The following CCSER1 variants were observed in gnomAD, a reference collection of about 807,000 sequenced individuals.
CCSER1 encodes the protein coiled-coil serine rich protein 1.
A neutral mutation model predicts 82.0 loss-of-function variants in CCSER1; 41 were observed. The ratio of observed to expected loss-of-function variants is 0.50; its 90% confidence interval spans 0.39 to 0.65. The LOEUF (loss-of-function observed/expected upper bound fraction) is 0.65. CCSER1 is among the 30% of genes least tolerant of loss of function. The pLI is 0.00. For missense variants in CCSER1, 1,119 were observed against 1,064.2 expected (o/e 1.05, Z -0.72); for synonymous variants, 414 against 383.9 (o/e 1.08, Z -0.92).
intron 10 of CCSER1, among the ~76,000 whole-genome samples, chr4:91,229,653 C>T (rs911926169): frequency 1.4e-4 from 22 of 152,082 alleles, no homozygotes; most frequent in African/African-American, 5.3e-4. Flanking sequence ...TACTATGCAC[C>T]TGTAAAAAAG....
At chr4:91,344,835 C>G (rs1415246457) in intron 10 of CCSER1, among the ~76,000 whole-genome samples, 3 of 151,928 alleles carry the variant, frequency 2.0e-5, no homozygotes, top group Non-Finnish European at 4.4e-5. Flanking sequence ...GATAATATTA[C>G]AGTACTCAAA....
chr4:90,946,428 C>T (rs1490320519), intron 9 of CCSER1, among the ~76,000 whole-genome samples: 4 of 151,992 alleles, frequency 2.6e-5, no homozygotes, highest in East Asian at 1.9e-4. Flanking sequence ...ATTAGGAGTT[C>T]GAGACCGGCC....
chr4:90,610,421 G>T (rs1304570181), intron 5 of CCSER1, among the ~76,000 whole-genome samples: 3 of 152,016 alleles, frequency 2.0e-5, no homozygotes, highest in Admixed American at 6.6e-5. Context: ...CATGTGAGAA[G>T]AATATTTGTG....
At chr4:90,816,653 A>G (rs891126747) in intron 8 of CCSER1, among the ~76,000 whole-genome samples, 2 of 152,138 alleles carry the variant, frequency 1.3e-5, no homozygotes, top group African/African-American at 4.8e-5. Flanking sequence ...TTAAAGAAAT[A>G]ACCATGCAAT....
At chr4:91,331,915 G>A (rs1746983091) in intron 10 of CCSER1, among the ~76,000 whole-genome samples, 1 of 152,030 alleles carries the variant, frequency 6.6e-6, no homozygotes, top group Admixed American at 6.6e-5. Flanking sequence ...TGCAATATAT[G>A]AATACTTCTA....
chr4:90,454,917 G>A (rs1474960325), intron 4 of CCSER1, among the ~76,000 whole-genome samples: 1 of 152,156 alleles, frequency 6.6e-6, no homozygotes, highest in Admixed American at 6.5e-5. Context: ...CCAGCCTGTT[G>A]TAGGGGCAAA....
intron 9 of CCSER1, among the ~76,000 whole-genome samples, chr4:91,081,701 C>T (rs1435926109): frequency 6.6e-6 from 1 of 152,180 alleles, no homozygotes; most frequent in African/African-American, 2.4e-5. Flanking sequence ...AGCTGATAAG[C>T]AACTTCAGCA....
intron 9 of CCSER1, among the ~76,000 whole-genome samples, chr4:91,030,421 C>A (rs1215813975): frequency 6.6e-6 from 1 of 152,036 alleles, no homozygotes; most frequent in Non-Finnish European, 1.5e-5. Flanking sequence ...GAGTCTTATT[C>A]TGTTTTAATT....
intron 10 of CCSER1, among the ~76,000 whole-genome samples, chr4:91,256,553 T>C (rs186000913): frequency 2.6e-5 from 4 of 152,278 alleles, no homozygotes; most frequent in African/African-American, 9.6e-5. Context: ...ATGTGATGTC[T>C]CCCAAGGCTT....
chr4:91,288,701 G>A (rs1310437047), intron 10 of CCSER1, among the ~76,000 whole-genome samples: 1 of 151,964 alleles, frequency 6.6e-6, no homozygotes, highest in Non-Finnish European at 1.5e-5. Flanking sequence ...TAAAATGCAG[G>A]GGAAAGAGCA....
In CCSER1 at chr4:90,205,347, A is replaced by T. The variant is rs953237745; in HGVS notation, c.-42+77516A>T. Among the ~76,000 whole-genome samples, 20 of 152,114 alleles carry T rather than the reference A, an allele frequency of 1.3e-4. No homozygotes were observed. The East Asian group carries it at 1.5e-3, about 12-fold the overall frequency. On this transcript the variant is annotated intron_variant, in intron 1 of 10. Coordinates refer to ENST00000509176, the MANE Select transcript of CCSER1 (RefSeq NM_001145065.2). ...TGTGGGTTTGTCATAAAGAGCTCTT[A>T]TTATTTTGAGATAGGTTCCCTCAAT... is the stretch of plus-strand genomic sequence containing the variant.
chr4:90,573,425 G>A (rs113444211), intron 5 of CCSER1, among the ~76,000 whole-genome samples: 2 of 152,176 alleles, frequency 1.3e-5, no homozygotes, highest in African/African-American at 2.4e-5. Flanking sequence ...TAGAGTCCAC[G>A]GCAAAATCTT....
intron 9 of CCSER1, among the ~76,000 whole-genome samples, chr4:91,018,148 A>G (rs1040852084): frequency 2.0e-5 from 3 of 152,082 alleles, no homozygotes; most frequent in African/African-American, 4.8e-5. Context: ...TCAAATTAAT[A>G]CTTCGCACAA....
chr4:90,144,955 T>C (rs980248769), intron 1 of CCSER1, among the ~76,000 whole-genome samples: 2 of 152,172 alleles, frequency 1.3e-5, no homozygotes, highest in African/African-American at 4.8e-5. Flanking sequence ...CTGCTGAGTA[T>C]TATTTCTACA....
chr4:90,495,364 A>T (rs1020216793), intron 5 of CCSER1, among the ~76,000 whole-genome samples: 1 of 152,150 alleles, frequency 6.6e-6, no homozygotes, highest in Non-Finnish European at 1.5e-5. Context: ...GTTAATGGAC[A>T]GCTTGGTACT....
chr4:90,674,974 G>A (rs538434674), intron 6 of CCSER1, among the ~76,000 whole-genome samples: 1 of 152,100 alleles, frequency 6.6e-6, no homozygotes, highest in East Asian at 1.9e-4. Context: ...GGGTGATTCA[G>A]TAAATGCAGC....
chr4:90,848,252 T>C (rs1311435888), intron 8 of CCSER1, among the ~76,000 whole-genome samples: 1 of 152,222 alleles, frequency 6.6e-6, no homozygotes, highest in Non-Finnish European at 1.5e-5. Flanking sequence ...GGATCACAAC[T>C]ATGAGACAGT....
rs62310758 is a variant in CCSER1 at position 91,218,236 on chromosome 4, G to T, written c.2217+132242G>T. Among the ~76,000 whole-genome samples the T allele has an allele frequency of 4.7e-3, 723 of 152,330 alleles. 2 individuals are homozygous for T. Among genetic ancestry groups the T allele is most frequent in the Non-Finnish European group, 7.4e-3 (500 of 68,026 alleles). The stretch of plus-strand genomic sequence containing the variant: ...GGTGCTAAGTCCCCCATTGCCCGGG[G>T]CCAGAAGGGTTGGCTGGCTGCTCCG... On this transcript the variant is annotated intron_variant, in intron 10 of 10. Coordinates refer to ENST00000509176, the MANE Select transcript of CCSER1 (RefSeq NM_001145065.2).
At chr4:90,855,525 A>G (rs1027549360) in intron 8 of CCSER1, among the ~76,000 whole-genome samples, 1 of 152,192 alleles carries the variant, frequency 6.6e-6, no homozygotes, top group African/African-American at 2.4e-5. Flanking sequence ...ATTAAATCTT[A>G]GCTGGTTTCC....
Sources: gnomAD v4.1 joint callset for allele counts (sites outside exome capture counted in the v4.1 genomes callset) on GRCh38, gnomAD v4.1.1 for gene constraint, MANE v1.5 for transcripts, NCBI Gene and HGNC (gene_info 2026-07-23, HGNC 2026-07-21) for gene names.